TTN: variants seen among roughly 807,000 people sequenced by gnomAD.
TTN encodes connectin.
A neutral mutation model predicts 3,223.0 loss-of-function variants in TTN; 1,525 were observed. That is an observed-to-expected ratio of 0.47 (90% confidence interval 0.45 to 0.49). The LOEUF (loss-of-function observed/expected upper bound fraction) is 0.49. Among genes scored for constraint, TTN ranks in the 20% least tolerant of loss-of-function variants. The pLI is 0.00. For missense variants in TTN, 40,786 were observed against 43,424.0 expected (o/e 0.94, Z 5.40); for synonymous variants, 14,094 against 15,161.0 (o/e 0.93, Z 5.17).
chr2:178,644,504 A>G (rs1299318235), intron 218 of TTN, 44 bp downstream of exon 218: 1 of 1,425,812 alleles, frequency 7.0e-7, no homozygotes, highest in South Asian at 1.4e-5. Flanking sequence ...GGAGTCAGGT[A>G]AAGGGGTACT....
chr2:178,632,798 A>C lies in TTN; in HGVS notation c.43214-6T>G. The C allele has an allele frequency of 6.2e-7, 1 of 1,612,962 alleles. No individual in the cohort carries two copies. Among genetic ancestry groups the C allele is most frequent in the East Asian group, 2.2e-5 (1 of 44,794 alleles). On this transcript the variant is annotated splice_polypyrimidine_tract_variant and splice_region_variant and intron_variant, in intron 234 of 362. Coordinates refer to ENST00000589042, the MANE Select transcript of TTN (RefSeq NM_001267550.2). ...GATGAAGATAAGAGGCAATTCTGAA[A>C]GAAGTGGACAGTGGATGAAGTCAGA...
In TTN at chr2:178,780,149, T is replaced by A; in HGVS notation, c.3580A>T (p.Thr1194Ser). 6.2e-7 allele frequency: 1 copy of A among 1,613,880 alleles called. No individual in the cohort carries two copies. The highest frequency in any genetic ancestry group is 8.5e-7 in the Non-Finnish European group (1 of 1,179,862). ...ACTTTAGGTTCTTGAACAAATGCAG[T>A]CACTTGTGTCTGATAAAGCATTTCT... is the stretch of plus-strand genomic sequence containing the variant. ...QQEMLYQTQVTAFVQEPKVGE... is the reference protein window; with the variant it reads ...QQEMLYQTQVSAFVQEPKVGE... The change falls in exon 22 of 363, where the codon ACT (threonine) becomes TCT (serine). Residue 1194 changes from threonine (T) to serine (S), a missense_variant. Physicochemically the swap from Thr to Ser is moderately conservative, Grantham distance 58 (BLOSUM62 1). Transcript: ENST00000589042.
rs770314252 is a variant in TTN at position 178,593,651 on chromosome 2, T to C, written c.58649A>G (p.Tyr19550Cys). 1.2e-5 allele frequency: 19 copies of C among 1,613,064 alleles called. No individual in the cohort carries two copies. The highest frequency in any genetic ancestry group is 2.2e-5 in the East Asian group (1 of 44,664). The stretch of plus-strand genomic sequence containing the variant: ...ATTTTCAGCATGTATCCGGAAAATA[T>C]AATCTTTTCCTTCAAGTAGTTTAGA... The part of the protein sequence containing the change: ...KVSKLLEGKD[Y>C]IFRIHAENLY... Residue 19550 changes from tyrosine (Y) to cysteine (C), a missense_variant, in exon 298 of 363, where the codon TAT becomes TGT. Physicochemically the swap from Tyr to Cys is radical, Grantham distance 194. Coordinates refer to ENST00000589042, the MANE Select transcript of TTN (RefSeq NM_001267550.2).
chr2:178,692,365 A>T (rs2072675013), intron 120 of TTN, 132 bp downstream of exon 120: 1 of 969,944 alleles, frequency 1.0e-6, no homozygotes, highest in Non-Finnish European at 1.6e-6. Flanking sequence ...CCACAAATAA[A>T]TGAAATCAAT....
chr2:178,684,905 C>A lies in TTN; in HGVS notation c.32554+1G>T, dbSNP rs376018437. ...TGAGAATAAAATAAAATCCAATATA[C>A]CTTTAGGTGGGGGCACCTTTTCCTT... On this transcript the variant is annotated splice_donor_variant, in intron 130 of 362. Coordinates refer to ENST00000589042, the MANE Select transcript of TTN (RefSeq NM_001267550.2). LOFTEE classifies it high-confidence loss of function. The A allele has an allele frequency of 3.7e-6, 6 of 1,602,780 alleles. No individual in the cohort carries two copies. The highest frequency in any genetic ancestry group is 1.1e-5 in the South Asian group (1 of 89,294).
chr2:178,740,633 C>T lies in TTN; in HGVS notation c.12600G>A (p.Glu4200=), dbSNP rs1028167182. Reference sequence around the variant, plus strand: ...GTTCAGCTAATAAAGTTTTCAGAGGCTCAACTGTTAATGAATTAATTTGTT... The same window carrying T: ...GTTCAGCTAATAAAGTTTTCAGAGGTTCAACTGTTAATGAATTAATTTGTT... The part of the protein sequence containing the change: ...SIEQINSLTV[E]PLKTLLAEPE... Residue 4200 remains glutamate (E), a synonymous_variant, in exon 48 of 363, where the codon GAG becomes GAA. Coordinates refer to ENST00000589042, the MANE Select transcript of TTN (RefSeq NM_001267550.2). 14 of 1,613,624 alleles carry T rather than the reference C, an allele frequency of 8.7e-6. No individual in the cohort carries two copies. The highest frequency in any genetic ancestry group is 4.0e-5 in the African/African-American group (3 of 74,878).
Position 178,727,860 on chromosome 2 carries a change from G to C in TTN, c.19718C>G (p.Pro6573Arg). ...CCCAGGTTTCACTAGGAAGCTTGGT[G>C]GTTCTATAGATTTTAAGAGAGATAT... ...ACSGILTVKEPPSFLVKPGRQ... is the reference protein window; with the variant it reads ...ACSGILTVKERPSFLVKPGRQ... The change falls in exon 68 of 363, where the codon CCA becomes CGA. Residue 6573 changes from proline (P) to arginine (R), a missense_variant. Coordinates refer to ENST00000589042, the MANE Select transcript of TTN (RefSeq NM_001267550.2). 1 of 1,571,880 alleles carries C rather than the reference G, an allele frequency of 6.4e-7. No individual in the cohort carries two copies. Among genetic ancestry groups the C allele is most frequent in the South Asian group, 1.2e-5 (1 of 82,564 alleles).
Position 178,545,539 on chromosome 2 carries a change from G to A in TTN, c.95571C>T (p.Val31857=), listed in dbSNP as rs558127858. 6.2e-7 allele frequency: 1 copy of A among 1,613,696 alleles called. No individual in the cohort carries two copies. The highest frequency in any genetic ancestry group is 1.7e-5 in the Admixed American group (1 of 60,002). Residue 31857 remains valine, a synonymous_variant, in exon 344 of 363, where the codon GTC becomes GTT. Transcript: ENST00000589042. ...TATCATACACCACATAGTCTTTGTT[G>A]ACACGTGTCCAGCGCAGGCTCTTCT... ...REKKSLRWTR[V]NKDYVVYDTR... is the part of the protein sequence containing the mutation.
In TTN at chr2:178,732,181, C is replaced by T. The variant is rs765340226; in HGVS notation, c.16788G>A (p.Glu5596=). 4 of 1,613,816 alleles carry T rather than the reference C, an allele frequency of 2.5e-6. No individual in the cohort carries two copies. The highest frequency in any genetic ancestry group is 2.5e-6 in the Non-Finnish European group (3 of 1,179,774). Residue 5596 remains glutamate (E), a synonymous_variant, in exon 57 of 363, where the codon GAG becomes GAA. Transcript: ENST00000589042. ...CTGTCAGTCTTAGAACTGCAGTAGACTCCACAAAAGACATTCTGTGTTTGC... is the reference window on the plus strand; with the variant it reads ...CTGTCAGTCTTAGAACTGCAGTAGATTCCACAAAAGACATTCTGTGTTTGC... ...ESSKHRMSFV[E]STAVLRLTDV... is the part of the protein sequence containing the mutation.
In TTN at chr2:178,728,559, G is replaced by C; in HGVS notation, c.19367C>G (p.Thr6456Ser). ...SVMKQDSGQY[T>S]FKVENDFGSS... is the part of the protein sequence containing the mutation. ...TCCGAAGTCATTTTCCACCTTGAAA[G>C]TGTACTGACCGCTGTCCTGCTTCAT... The change falls in exon 66 of 363, where the codon ACT becomes AGT. Residue 6456 changes from threonine (T) to serine (S), a missense_variant. Physicochemically the swap from Thr to Ser is moderately conservative, Grantham distance 58. Coordinates refer to ENST00000589042, the MANE Select transcript of TTN (RefSeq NM_001267550.2). 3 of 1,613,084 alleles carry C rather than the reference G, an allele frequency of 1.9e-6. No homozygotes were observed. The highest frequency in any genetic ancestry group is 2.5e-6 in the Non-Finnish European group (3 of 1,179,462).
At position 178,773,686 on chromosome 2, in the gene TTN, A is replaced by G; in HGVS notation, c.7370T>C (p.Ile2457Thr). The change falls in exon 32 of 363, where the codon ATT becomes ACT. Residue 2457 changes from isoleucine (I) to threonine (T), a missense_variant. Transcript: ENST00000589042. Reference protein sequence around the residue: ...VITPLKDVNVIEGTKAVLECK... With the variant: ...VITPLKDVNVTEGTKAVLECK... ...TTCAAGCACAGCCTTGGTGCCTTCA[A>G]TCACATTAACATCTTTTAGAGGTGT... 6.2e-7 allele frequency: 1 copy of G among 1,614,062 alleles called. No individual in the cohort carries two copies. Among genetic ancestry groups the G allele is most frequent in the Non-Finnish European group, 8.5e-7 (1 of 1,179,960 alleles).
Position 178,613,906 on chromosome 2 carries a change from A to T in TTN, c.49377T>A (p.Pro16459=), listed in dbSNP as rs564712731. 21 of 1,610,248 alleles carry T rather than the reference A, an allele frequency of 1.3e-5. No homozygotes were observed. The Admixed American group carries it at 2.5e-4, about 19-fold the overall frequency. Residue 16459 remains proline, a synonymous_variant, in exon 263 of 363, where the codon CCT becomes CCA. Transcript: ENST00000589042. ...TCACTGCGTCTTTAGTGATATCAGA[A>T]GGTTCTAGGCGAGTTGGAGGACCAG... ...DPPGPPTRLE[P]SDITKDAVTL... is the part of the protein sequence containing the mutation.
In TTN at chr2:178,771,388, C is replaced by A. The variant is rs1252111410; in HGVS notation, c.7939G>T (p.Asp2647Tyr). ...TCCCTCAACCATTCGCCTTTGGAAT[C>A]TGGGTTGGCAACTTCACATTCAAAC... ...AVFECEVANP[D>Y]SKGEWLRDGK... Residue 2647 changes from aspartate to tyrosine, a missense_variant, in exon 34 of 363, where the codon GAT (aspartate) becomes TAT (tyrosine). Transcript: ENST00000589042. 3 of 1,613,880 alleles carry A rather than the reference C, an allele frequency of 1.9e-6. No homozygotes were observed. In the African/African-American group the frequency reaches 4.0e-5, roughly 22 times the overall value.
rs1046854244 is a variant in TTN at position 178,793,736 on chromosome 2, G to A, written c.1399-195C>T. Among the ~76,000 whole-genome samples the A allele has an allele frequency of 9.5e-4, 144 of 152,140 alleles. 3 individuals carry two copies. Among genetic ancestry groups the A allele is most frequent in the Admixed American group, 9.2e-3 (141 of 15,272 alleles). On this transcript the variant is annotated intron_variant, in intron 8 of 362. Coordinates refer to ENST00000589042, the MANE Select transcript of TTN (RefSeq NM_001267550.2). Reference sequence around the variant, plus strand: ...AATCACTTAAACCCAGGAGGCGGAGGCTGCAGTGAGCGGAGGTCATGCCAC... The same window carrying A: ...AATCACTTAAACCCAGGAGGCGGAGACTGCAGTGAGCGGAGGTCATGCCAC...
rs551245931 is a variant in TTN, at chr2:178,781,241, G to C, written c.3403C>G (p.Gln1135Glu). The change falls in exon 21 of 363, where the codon CAA becomes GAA. Residue 1135 changes from glutamine (Q) to glutamate (E), a missense_variant. Gln to Glu is a conservative substitution (Grantham distance 29). Transcript: ENST00000589042. ...GYRYKVSYNK[Q>E]TGECKLVISM... ...ATCACCAGCTTGCATTCACCGGTTT[G>C]TTTGTTGTAACTCACTTTGTATCTT... The C allele has an allele frequency of 6.2e-7, 1 of 1,613,994 alleles. No homozygotes were observed. Among genetic ancestry groups the C allele is most frequent in the East Asian group, 2.2e-5 (1 of 44,840 alleles).
At chr2:178,702,267 C>G in intron 107 of TTN, 22 bp from the exon 108 acceptor site, 6 of 1,613,774 alleles carry the variant, frequency 3.7e-6, no homozygotes, top group Non-Finnish European at 5.1e-6. Context: ...AATCATCCAA[C>G]TTTTGTTTTC....
rs777177954 is a variant in TTN at position 178,731,411 on chromosome 2, G to T, written c.17355C>A (p.Ala5785=). The change falls in exon 59 of 363, where the codon GCC becomes GCA. Residue 5785 remains alanine, a synonymous_variant. Transcript: ENST00000589042. ...CTTCAATGCCACTGAGGTACAAACT[G>T]GCCACATTGTTCTCAAAGGTCATTC... is the stretch of plus-strand genomic sequence containing the variant. ...NIRMTFENNV[A]SLYLSGIEVK... The T allele has an allele frequency of 2.5e-6, 4 of 1,613,594 alleles. No individual in the cohort carries two copies. Among genetic ancestry groups the T allele is most frequent in the Non-Finnish European group, 3.4e-6 (4 of 1,179,786 alleles).
intron 128 of TTN, 47 bp from the exon 129 acceptor site, chr2:178,685,377 T>A (rs2070578863): frequency 1.3e-6 from 2 of 1,514,826 alleles, no homozygotes; most frequent in Non-Finnish European, 1.8e-6. Context: ...TAGATTTCTT[T>A]TCGATAAAAG....
rs1421739163 is a variant in TTN, at chr2:178,730,706, C to A, written c.17827G>T (p.Ala5943Ser). 2 of 1,613,458 alleles carry A rather than the reference C, an allele frequency of 1.2e-6. No homozygotes were observed. The highest frequency in any genetic ancestry group is 1.3e-5 in the African/African-American group (1 of 74,896). ...TGGATGCTTATGGGATGTGACCCAG[C>A]CACTATACATTCTAAATCAATGAAA... The part of the protein sequence containing the change: ...GSFIDLECIV[A>S]GSHPISIQWF... The change falls in exon 61 of 363, where the codon GCT becomes TCT. Residue 5943 changes from alanine to serine, a missense_variant. By Grantham distance (99) the Ala-to-Ser change is moderately conservative. Coordinates refer to ENST00000589042, the MANE Select transcript of TTN (RefSeq NM_001267550.2).
Sources: allele counts gnomAD v4.1 joint callset (sites outside exome capture counted in the v4.1 genomes callset), GRCh38; gene constraint gnomAD v4.1.1; transcripts MANE v1.5; gene names NCBI Gene and HGNC (gene_info 2026-07-23, HGNC 2026-07-21).